The following CA4 variants were observed in gnomAD, a reference collection of about 807,000 sequenced individuals.
CA4 encodes carbonic anhydrase 4.
A neutral mutation model predicts 34.5 loss-of-function variants in CA4; 24 were observed. The observed-to-expected ratio is 0.70, with a 90% confidence interval of 0.50 to 0.98. The LOEUF is 0.98. CA4 is among the 50% of genes least tolerant of loss of function. The pLI, the probability that CA4 is intolerant of heterozygous loss-of-function variation, is 0.00. For missense variants in CA4, 394 were observed against 396.7 expected (o/e 0.99, Z 0.06); for synonymous variants, 178 against 170.6 (o/e 1.04, Z -0.34).
At chr17:60,165,395 G>C (rs542638085) in intron 5 of CA4, among the ~76,000 whole-genome samples, 3 of 152,272 alleles carry the variant, frequency 2.0e-5, no homozygotes, top group East Asian at 3.9e-4. Context: ...AGGGAGAAAA[G>C]GGGGCCCTCT....
chr17:60,150,278 G>T (rs1448547486), intron 1 of CA4, among the ~76,000 whole-genome samples, 186 bp downstream of exon 1: 1 of 152,230 alleles, frequency 6.6e-6, no homozygotes, highest in Non-Finnish European at 1.5e-5. Context: ...GCTTGTGTGT[G>T]CACACGCGTG....
intron 7 of CA4, 65 bp downstream of exon 7, chr17:60,158,511 T>A: frequency 6.5e-7 from 1 of 1,529,372 alleles, no homozygotes; most frequent in Non-Finnish European, 9.0e-7. Context: ...TATCCCTCTG[T>A]CTGCCCTCAG....
intron 3 of CA4, 102 bp from the exon 4 acceptor site, chr17:60,157,325 G>C (rs1220872412): frequency 9.3e-7 from 1 of 1,070,172 alleles, no homozygotes; most frequent in African/African-American, 1.6e-5. Context: ...CATGAAGGTT[G>C]GGAGGCAGGA....
chr17:60,171,465 T>C (rs1284474270), downstream of CA4, among the ~76,000 whole-genome samples: 1 of 152,234 alleles, frequency 6.6e-6, no homozygotes, highest in Non-Finnish European at 1.5e-5. Flanking sequence ...CTACCCAGTA[T>C]ACTGAGTAGC....
downstream of CA4, among the ~76,000 whole-genome samples, chr17:60,175,205 T>G (rs1040186391): frequency 6.7e-6 from 1 of 150,182 alleles, no homozygotes; most frequent in Non-Finnish European, 1.5e-5. Flanking sequence ...TTTTTTTTTT[T>G]TTTTAGTAGA....
At chr17:60,166,846 A>G (rs1416755538) in intron 5 of CA4, among the ~76,000 whole-genome samples, 1 of 152,128 alleles carries the variant, frequency 6.6e-6, no homozygotes, top group Non-Finnish European at 1.5e-5. Flanking sequence ...AATCCCAGCT[A>G]CTCTGGAGGC....
intron 5 of CA4, among the ~76,000 whole-genome samples, chr17:60,167,616 T>C (rs145151400): frequency 1.3e-5 from 2 of 152,366 alleles, no homozygotes; most frequent in East Asian, 1.9e-4. Context: ...ACCTTGCCCA[T>C]TGGGCAAAGA....
rs781019428 is a variant in CA4, at chr17:60,155,069, C to T, written c.59-245C>T. Among the ~76,000 whole-genome samples, 40 of 152,202 alleles carry T rather than the reference C, an allele frequency of 2.6e-4. 1 individual carries two copies. Among genetic ancestry groups the T allele is most frequent in the Non-Finnish European group, 8.8e-5 (6 of 68,034 alleles). ...GCCTCAGAGGGCTTCCCTGGAGGGC[C>T]AGTGGCTGCTTGGCCTGGCCCTGCC... On this transcript the variant is annotated intron_variant, in intron 1 of 7. Transcript: ENST00000300900.
chr17:60,154,966 G>C (rs373946441), intron 1 of CA4, among the ~76,000 whole-genome samples: 6 of 152,188 alleles, frequency 3.9e-5, no homozygotes, highest in African/African-American at 7.2e-5. Context: ...GGTTTGGGGT[G>C]GGGGAGGTAA....
intron 1 of CA4, among the ~76,000 whole-genome samples, chr17:60,153,301 G>A (rs1474951545): frequency 6.6e-6 from 1 of 152,144 alleles, no homozygotes; most frequent in Non-Finnish European, 1.5e-5. Flanking sequence ...GCCCACCACT[G>A]CCCTCCAGCC....
chr17:60,176,868 C>A, the CA4 span, among the ~76,000 whole-genome samples: 1 of 152,188 alleles, frequency 6.6e-6, no homozygotes, highest in Non-Finnish European at 1.5e-5. Flanking sequence ...GAGCACACAA[C>A]CTAGATTGCT....
At chr17:60,160,382 TCACA>T, downstream of CA4, among the ~76,000 whole-genome samples, 1 of 152,180 alleles carries the variant, frequency 6.6e-6, no homozygotes, top group Non-Finnish European at 1.5e-5. Flanking sequence ...CTCCTGGAGT[TCACA>T]GTCTAGTGGA....
rs77400016 is a variant in CA4, at chr17:60,169,499, A to AT, written c.*179-1044dup. On this transcript the variant is annotated intron_variant and NMD_transcript_variant, in intron 5 of 5. Transcript: ENST00000586876. Reference sequence around the variant, plus strand: ...ACAGGCCCTGGAGGCTGACTTTTTTATTTTTTTTAAGATGGAGTCTTGCTC... The same window carrying AT: ...ACAGGCCCTGGAGGCTGACTTTTTTATTTTTTTTTAAGATGGAGTCTTGCTC... Among the ~76,000 whole-genome samples, 392 of 151,574 alleles carry AT rather than the reference A, an allele frequency of 2.6e-3. 9 individuals carry two copies. The East Asian group carries it at 0.06, about 23-fold the overall frequency.
chr17:60,150,136 C>G, intron 1 of CA4, 44 bp downstream of exon 1: 3 of 1,502,846 alleles, frequency 2.0e-6, no homozygotes, highest in Non-Finnish European at 2.7e-6. Context: ...CGGCGGTCCC[C>G]TCCGTGCCCC....
chr17:60,157,677 C>T lies in CA4; in HGVS notation c.415-13C>T. The stretch of plus-strand genomic sequence containing the variant: ...CTTCATAGGTCCCCTTTTCACCCCT[C>T]CACCCCGACCAGATGCACATAGTAC... On this transcript the variant is annotated splice_polypyrimidine_tract_variant and intron_variant, in intron 4 of 7. Transcript: ENST00000300900. 1.9e-6 allele frequency: 3 copies of T among 1,612,612 alleles called. No homozygotes were observed. The highest frequency in any genetic ancestry group is 2.5e-6 in the Non-Finnish European group (3 of 1,178,562).
downstream of CA4, among the ~76,000 whole-genome samples, chr17:60,171,850 C>T (rs182012516): frequency 1.3e-5 from 2 of 152,306 alleles, no homozygotes; most frequent in East Asian, 3.9e-4. Flanking sequence ...ATGCAACTCG[C>T]TCAATATTCA....
At chr17:60,161,360 G>A (rs2083786594), downstream of CA4, among the ~76,000 whole-genome samples, 1 of 152,144 alleles carries the variant, frequency 6.6e-6, no homozygotes, top group Non-Finnish European at 1.5e-5. Context: ...TCAGGAGTAG[G>A]ACTGGATTTT....
the CA4 span, among the ~76,000 whole-genome samples, chr17:60,178,119 G>C: frequency 1.3e-5 from 2 of 152,098 alleles, no homozygotes; most frequent in Admixed American, 6.6e-5. Flanking sequence ...TAGTGGACAT[G>C]CAAACAAAGC....
chr17:60,162,875 G>A (rs751797753), downstream of CA4, among the ~76,000 whole-genome samples: 33 of 152,140 alleles, frequency 2.2e-4, no homozygotes, highest in Admixed American at 2.6e-4. Context: ...TCCCCTGGCC[G>A]GCTCTCTCCT....
Sources: allele counts gnomAD v4.1 joint callset (sites outside exome capture counted in the v4.1 genomes callset), GRCh38; gene constraint gnomAD v4.1.1; transcripts MANE v1.5; gene names NCBI Gene and HGNC (gene_info 2026-07-23, HGNC 2026-07-21).